ADGRA3: variants seen among roughly 807,000 people sequenced by gnomAD.
ADGRA3 encodes G-protein coupled receptor 125.
A neutral mutation model predicts 119.8 loss-of-function variants in ADGRA3; 56 were observed. That is an observed-to-expected ratio of 0.47 (90% CI 0.38 to 0.58). The LOEUF is 0.58. Among genes scored for constraint, ADGRA3 ranks in the 20% least tolerant of loss-of-function variants. The pLI, the probability that ADGRA3 is intolerant of heterozygous loss-of-function variation, is 0.00. For missense variants in ADGRA3, 1,516 were observed against 1,649.0 expected (o/e 0.92, Z 1.40); for synonymous variants, 607 against 623.8 (o/e 0.97, Z 0.40).
intron 2 of ADGRA3, among the ~76,000 whole-genome samples, chr4:22,463,469 A>C (rs1229187606): frequency 6.6e-6 from 1 of 152,192 alleles, no homozygotes; most frequent in Non-Finnish European, 1.5e-5. Flanking sequence ...TAAATTATTT[A>C]GAGGAAAATC....
intron 1 of ADGRA3, among the ~76,000 whole-genome samples, chr4:22,496,753 T>C (rs187030297): frequency 2.0e-3 from 302 of 152,312 alleles, no homozygotes; most frequent in African/African-American, 6.8e-3. Context: ...CCCTGATATA[T>C]ACAAAAGGCC....
At chr4:22,509,942 G>A (rs1179987347) in intron 1 of ADGRA3, among the ~76,000 whole-genome samples, 3 of 150,250 alleles carry the variant, frequency 2.0e-5, no homozygotes, top group Non-Finnish European at 4.4e-5. Context: ...CCCGGGAGGC[G>A]GAGCTTGCAG....
At chr4:22,403,124 C>T (rs1048577733) in intron 14 of ADGRA3, among the ~76,000 whole-genome samples, 3 of 152,034 alleles carry the variant, frequency 2.0e-5, no homozygotes, top group Non-Finnish European at 4.4e-5. Context: ...AGAATTCATC[C>T]TTTTCAATGC....
intron 10 of ADGRA3, among the ~76,000 whole-genome samples, chr4:22,430,878 C>T (rs1246365403): frequency 1.3e-5 from 2 of 152,076 alleles, no homozygotes; most frequent in Non-Finnish European, 2.9e-5. Context: ...TGGTGTCTAG[C>T]AGCTGTATCC....
intron 14 of ADGRA3, 104 bp downstream of exon 14, chr4:22,413,078 A>AAAAAAAC: frequency 1.2e-6 from 1 of 852,208 alleles, no homozygotes; most frequent in Non-Finnish European, 1.9e-6. Context: ...TTAAAAGTAA[A>AAAAAAAC]AAAAAAAAAA....
At chr4:22,500,391 A>G (rs1368358059) in intron 1 of ADGRA3, among the ~76,000 whole-genome samples, 1 of 152,236 alleles carries the variant, frequency 6.6e-6, no homozygotes, top group East Asian at 1.9e-4. Flanking sequence ...TGTTTTAGCA[A>G]TCAGGTGAGA....
At chr4:22,471,710 C>T (rs1717863760) in intron 2 of ADGRA3, among the ~76,000 whole-genome samples, 1 of 152,062 alleles carries the variant, frequency 6.6e-6, no homozygotes, top group Admixed American at 6.6e-5. Context: ...ACTCGGTTTT[C>T]ACACTGAAGT....
At chr4:22,400,589 CA>C (rs1405935937) in intron 16 of ADGRA3, among the ~76,000 whole-genome samples, 1 of 151,964 alleles carries the variant, frequency 6.6e-6, no homozygotes, top group Non-Finnish European at 1.5e-5. Flanking sequence ...TTCAATTATA[CA>C]AGATGAAAAG....
In ADGRA3 at chr4:22,515,666, GGCAGCGCC is replaced by G; in HGVS notation, c.111_118del (p.Ala38ArgfsTer50). 3 of 1,203,268 alleles carry G rather than the reference GGCAGCGCC, an allele frequency of 2.5e-6. No homozygotes were observed. The highest frequency in any genetic ancestry group is 3.1e-6 in the Non-Finnish European group (3 of 967,118). The allele number at this position is 1,203,268 out of a possible 1,614,324, so 74.5% of individuals were successfully genotyped here. A position where few individuals can be genotyped will look rare whatever the true frequency, so the allele number is the denominator to read the frequency against. ...CCGCCCATCGTGCTTGCAGCCGGCGGGCAGCGCCGCGGCGCCGCCGCCGCCGCCGCCTC... is the reference window on the plus strand; with the variant it reads ...CCGCCCATCGTGCTTGCAGCCGGCGGGCGGCGCCGCCGCCGCCGCCGCCTC... On this transcript the variant is annotated frameshift_variant, in exon 1 of 19. Transcript: ENST00000334304. LOFTEE classifies it high-confidence loss of function.
rs372946484 is a variant in ADGRA3 at position 22,436,641 on chromosome 4, T to C, written c.1086A>G (p.Arg362=). 20 of 1,613,432 alleles carry C rather than the reference T, an allele frequency of 1.2e-5. No homozygotes were observed. Among genetic ancestry groups the C allele is most frequent in the Non-Finnish European group, 1.6e-5 (19 of 1,179,594 alleles). ...ERVVNNKGDF[R]WPRTLAGITA... ...TAATGCCTGCCAATGTTCTGGGCCA[T>C]CTAGAGATGAAGACAAAATAGTACA... Residue 362 remains arginine (R), a splice_region_variant and synonymous_variant, in exon 9 of 19, where the codon AGA becomes AGG. Coordinates refer to ENST00000334304, the MANE Select transcript of ADGRA3 (RefSeq NM_145290.4).
chr4:22,464,139 T>A (rs1055489639), intron 2 of ADGRA3, among the ~76,000 whole-genome samples: 23 of 152,112 alleles, frequency 1.5e-4, no homozygotes, highest in African/African-American at 5.6e-4. Flanking sequence ...CACAATATTT[T>A]AAAAAACAAA....
chr4:22,499,201 G>C lies in ADGRA3; in HGVS notation c.257+16327C>G, dbSNP rs118124556. The stretch of plus-strand genomic sequence containing the variant: ...TCAGCCAATTCTAATAAAGCCACTG[G>C]AACTTCATTAAATGTGCATGTAACT... On this transcript the variant is annotated intron_variant, in intron 1 of 18. Coordinates refer to ENST00000334304, the MANE Select transcript of ADGRA3 (RefSeq NM_145290.4). 9.2e-3 allele frequency among the ~76,000 whole-genome samples: 1,394 copies of C among 152,298 alleles called. 36 individuals carry two copies. The highest frequency in any genetic ancestry group is 0.049 in the East Asian group (252 of 5,182).
At chr4:22,420,204 T>C (rs1288847423) in intron 12 of ADGRA3, 1 of 152,142 alleles carries the variant, frequency 6.6e-6, no homozygotes, top group Non-Finnish European at 1.5e-5. Context: ...CCGCAGAGAA[T>C]ACAATTACAC....
chr4:22,425,751 G>A (rs962377073), intron 10 of ADGRA3, among the ~76,000 whole-genome samples: 2 of 152,302 alleles, frequency 1.3e-5, no homozygotes, highest in Admixed American at 6.5e-5. Context: ...TTCACACAAC[G>A]TATAATTATG....
rs58466215 is a variant in ADGRA3 at position 22,398,197 on chromosome 4, T to C, written c.2481+3234A>G. ...AATTTCATCAATAATACTAATATAA[T>C]AGTGGTAACAGGTAACATTTATTGA... On this transcript the variant is annotated intron_variant, in intron 16 of 18. Transcript: ENST00000334304. 4.7e-3 allele frequency: 4,272 copies of C among 907,654 alleles called. 129 individuals are homozygous for C. In the African/African-American group the frequency reaches 0.065, roughly 14 times the overall value. 56.2% of individuals were successfully genotyped at this position (907,654 alleles called of 1,614,324 possible).
chr4:22,466,029 C>T lies in ADGRA3; in HGVS notation c.330-4221G>A, dbSNP rs776417128. The stretch of plus-strand genomic sequence containing the variant: ...AAACCACACAAGTTCTCACCTGTGT[C>T]CGATTCTCCATTTGAAGTGATCTTT... On this transcript the variant is annotated intron_variant, in intron 2 of 18. Coordinates refer to ENST00000334304, the MANE Select transcript of ADGRA3 (RefSeq NM_145290.4). 1.2e-4 allele frequency among the ~76,000 whole-genome samples: 18 copies of T among 152,244 alleles called. 1 individual carries two copies. Among genetic ancestry groups the T allele is most frequent in the South Asian group, 4.2e-4 (2 of 4,814 alleles).
At chr4:22,449,530 A>AT (rs1299116418) in intron 4 of ADGRA3, among the ~76,000 whole-genome samples, 2 of 152,084 alleles carry the variant, frequency 1.3e-5, no homozygotes, top group Non-Finnish European at 2.9e-5. Context: ...TTAGAAATAA[A>AT]TATCTATCCT....
In ADGRA3 at chr4:22,387,689, AG is replaced by A. The variant is rs751308202; in HGVS notation, c.*15del. On this transcript the variant is annotated 3_prime_UTR_variant, in exon 19 of 19. Coordinates refer to ENST00000334304, the MANE Select transcript of ADGRA3 (RefSeq NM_145290.4). ...TCACAGTTTATATGAATTTCTGCCT[AG>A]GAAGCCCAGCAATGTTACACAGTAG... 1.3e-6 allele frequency: 2 copies of A among 1,576,874 alleles called. No individual in the cohort carries two copies. Among genetic ancestry groups the A allele is most frequent in the South Asian group, 2.3e-5 (2 of 86,064 alleles).
At chr4:22,492,385 C>T (rs953194827) in intron 1 of ADGRA3, among the ~76,000 whole-genome samples, 1 of 152,134 alleles carries the variant, frequency 6.6e-6, no homozygotes, top group African/African-American at 2.4e-5. Flanking sequence ...CACCGTTTTC[C>T]TTCAATAACC....
Sources: gnomAD v4.1 joint callset for allele counts (sites outside exome capture counted in the v4.1 genomes callset) on GRCh38, gnomAD v4.1.1 for gene constraint, MANE v1.5 for transcripts, NCBI Gene and HGNC (gene_info 2026-07-23, HGNC 2026-07-21) for gene names.